Variants in TBCK observed in about 807,000 individuals in gnomAD.
TBCK encodes TBC domain-containing protein kinase-like protein.
A neutral mutation model predicts 113.4 loss-of-function variants in TBCK; 99 were observed. That is an observed-to-expected ratio of 0.87 (90% CI 0.74 to 1.03). The LOEUF (loss-of-function observed/expected upper bound fraction) is 1.03. TBCK is among the 50% of genes least tolerant of loss of function. The pLI, the probability that TBCK is intolerant of heterozygous loss-of-function variation, is 0.00. For synonymous variants in TBCK, 369 were observed against 370.8 expected (o/e 1.00, Z 0.05); for missense variants, 1,045 against 1,061.3 (o/e 0.98, Z 0.21).
chr4:106,226,287 T>C (rs1461711383), intron 19 of TBCK, among the ~76,000 whole-genome samples: 2 of 152,144 alleles, frequency 1.3e-5, no homozygotes, highest in Admixed American at 6.5e-5. Flanking sequence ...AAATAAAATT[T>C]TGGGAGGAAG....
At chr4:106,305,599 G>A (rs1278700350) in intron 2 of TBCK, among the ~76,000 whole-genome samples, 6 of 152,192 alleles carry the variant, frequency 3.9e-5, no homozygotes, top group South Asian at 2.1e-4. Context: ...TGTCAGAGGC[G>A]TGTGAACCAG....
intron 22 of TBCK, among the ~76,000 whole-genome samples, chr4:106,175,568 C>CTATA (rs1255931799): frequency 6.6e-6 from 1 of 151,984 alleles, no homozygotes; most frequent in Admixed American, 6.6e-5. Context: ...GCCTGTATAA[C>CTATA]TATATACATT....
At chr4:106,141,141 C>T (rs2149651980) in intron 23 of TBCK, among the ~76,000 whole-genome samples, 1 of 140,192 alleles carries the variant, frequency 7.1e-6, no homozygotes, top group African/African-American at 2.5e-5. Flanking sequence ...AGATGTCCAC[C>T]ATTACCATTG....
intron 25 of TBCK, among the ~76,000 whole-genome samples, chr4:106,089,660 T>C (rs1739974852): frequency 1.3e-5 from 2 of 152,148 alleles, no homozygotes; most frequent in Non-Finnish European, 2.9e-5. Flanking sequence ...GCTACAGATA[T>C]TGGGTATGCA....
intron 23 of TBCK, among the ~76,000 whole-genome samples, chr4:106,133,295 G>A (rs1024879925): frequency 1.2e-4 from 18 of 152,216 alleles, no homozygotes; most frequent in African/African-American, 4.3e-4. Context: ...TTTATAAATG[G>A]GAGTTCCCCT....
chr4:106,187,768 C>T (rs1366988671), intron 22 of TBCK, among the ~76,000 whole-genome samples: 3 of 152,114 alleles, frequency 2.0e-5, no homozygotes, highest in Admixed American at 6.6e-5. Flanking sequence ...GATCTTTCAC[C>T]TCCTTTGGGT....
At chr4:106,242,443 GC>G in intron 12 of TBCK, 26 bp downstream of exon 12, 1 of 1,540,698 alleles carries the variant, frequency 6.5e-7, no homozygotes, top group Non-Finnish European at 8.8e-7. Flanking sequence ...AAAACCTAAA[GC>G]AGAACTGTCA....
chr4:106,114,905 C>T (rs1450221052), intron 24 of TBCK, among the ~76,000 whole-genome samples: 1 of 152,122 alleles, frequency 6.6e-6, no homozygotes, highest in East Asian at 1.9e-4. Context: ...ATTCGGGAGT[C>T]CACTCATCCA....
intron 19 of TBCK, among the ~76,000 whole-genome samples, chr4:106,220,603 T>C (rs959717493): frequency 1.4e-4 from 22 of 151,956 alleles, no homozygotes; most frequent in Non-Finnish European, 2.4e-4. Flanking sequence ...CTTTTACCCA[T>C]GCTGGATTTA....
chr4:106,176,963 T>G (rs1287856424), intron 22 of TBCK, among the ~76,000 whole-genome samples: 1 of 150,970 alleles, frequency 6.6e-6, no homozygotes, highest in Admixed American at 6.6e-5. Context: ...TTTAAGTGTT[T>G]TTTTTTTTTT....
intron 19 of TBCK, among the ~76,000 whole-genome samples, 153 bp from the exon 20 acceptor site, chr4:106,212,988 C>T (rs1029519325): frequency 5.3e-5 from 8 of 152,162 alleles, no homozygotes; most frequent in African/African-American, 1.9e-4. Context: ...ATTTTAATTA[C>T]TTACTGCTAA....
At chr4:106,268,150 C>A (rs1029332390) in intron 3 of TBCK, among the ~76,000 whole-genome samples, 2 of 151,980 alleles carry the variant, frequency 1.3e-5, no homozygotes, top group Admixed American at 1.3e-4. Context: ...CCAAGTGGCC[C>A]CTTTTTGACA....
At chr4:106,230,290 A>T in intron 19 of TBCK, 73 bp downstream of exon 19, 1 of 938,004 alleles carries the variant, frequency 1.1e-6, no homozygotes, top group Non-Finnish European at 1.5e-6. Flanking sequence ...TCTTAAATTT[A>T]ATCAAATATT....
intron 25 of TBCK, among the ~76,000 whole-genome samples, chr4:106,076,601 G>A (rs748933396): frequency 7.2e-5 from 11 of 152,102 alleles, no homozygotes; most frequent in African/African-American, 1.4e-4. Flanking sequence ...AGAAAAAATC[G>A]TATAGGTAAC....
At chr4:106,124,510 C>G (rs1409596526) in intron 23 of TBCK, among the ~76,000 whole-genome samples, 1 of 152,078 alleles carries the variant, frequency 6.6e-6, no homozygotes, top group Non-Finnish European at 1.5e-5. Flanking sequence ...GGTATATACC[C>G]AAAGGATTAT....
intron 24 of TBCK, among the ~76,000 whole-genome samples, chr4:106,112,725 TATTTGAGCCCAC>T (rs1288304230): frequency 6.6e-6 from 1 of 152,122 alleles, no homozygotes; most frequent in Non-Finnish European, 1.5e-5. Context: ...TTATCATACA[TATTTGAGCCCAC>T]AGCTCACTGC....
In TBCK at chr4:106,233,650, C is replaced by T; in HGVS notation, c.1450G>A (p.Gly484Arg). Reference protein sequence around the residue: ...LTWAALLGVEGAIHAKYDAID... With the variant: ...LTWAALLGVERAIHAKYDAID... Reference sequence around the variant, plus strand: ...GCATCGTACTTGGCATGAATAGCTCCCTGCAAAAAATAAAAGAAGATATAT... The same window carrying T: ...GCATCGTACTTGGCATGAATAGCTCTCTGCAAAAAATAAAAGAAGATATAT... Residue 484 changes from glycine (G) to arginine (R), a missense_variant and splice_region_variant, in exon 16 of 26, where the codon GGA becomes AGA. Physicochemically the swap from Gly to Arg is moderately radical, Grantham distance 125 (BLOSUM62 -2). Coordinates refer to ENST00000394708, the MANE Select transcript of TBCK (RefSeq NM_001163435.3). The T allele has an allele frequency of 3.7e-6, 6 of 1,603,278 alleles. No homozygotes were observed. Among genetic ancestry groups the T allele is most frequent in the Non-Finnish European group, 5.1e-6 (6 of 1,172,924 alleles).
At chr4:106,295,798 T>A (rs1766235430) in intron 2 of TBCK, among the ~76,000 whole-genome samples, 1 of 152,142 alleles carries the variant, frequency 6.6e-6, no homozygotes, top group Admixed American at 6.5e-5. Flanking sequence ...TGACAACACA[T>A]AAACAGAACA....
chr4:106,284,378 T>A (rs910215168), intron 3 of TBCK, among the ~76,000 whole-genome samples: 3 of 152,134 alleles, frequency 2.0e-5, no homozygotes, highest in African/African-American at 7.2e-5. Flanking sequence ...GAGTAGGCAA[T>A]GTTTTAACAG....
Sources: allele counts gnomAD v4.1 joint callset (sites outside exome capture counted in the v4.1 genomes callset), GRCh38; gene constraint gnomAD v4.1.1; transcripts MANE v1.5; gene names NCBI Gene and HGNC (gene_info 2026-07-23, HGNC 2026-07-21).